Variants in FBXO42 observed in about 807,000 individuals in gnomAD.
FBXO42 encodes the protein F-box only protein 42.
In FBXO42, 12 loss-of-function variants were observed where a neutral mutation model predicts 71.7. The ratio of observed to expected loss-of-function variants is 0.17; its 90% CI spans 0.11 to 0.27. The LOEUF (loss-of-function observed/expected upper bound fraction) is 0.27. Among genes scored for constraint, FBXO42 ranks in the 10% least tolerant of loss-of-function variants. The probability of loss-of-function intolerance (pLI) is 1.00; values close to 1 mark genes in which losing one functional copy is unlikely to be tolerated. For missense variants in FBXO42, 707 were observed against 911.9 expected (o/e 0.78, Z 2.89); for synonymous variants, 325 against 327.5 (o/e 0.99, Z 0.08).
At chr1:16,350,749 A>ATAAAG (rs148379808) in intron 1 of FBXO42, among the ~76,000 whole-genome samples, 1 of 48,118 alleles carries the variant, frequency 2.1e-5, no homozygotes, top group Non-Finnish European at 3.6e-5. Context: ...ACTGCAAAAA[A>ATAAAG]AAAAAAAAAA....
rs386366300 is a variant in FBXO42 at position 16,283,494 on chromosome 1, G to GTTTTTTTTTTTTTTTT, written c.502+11273_502+11288dup. On this transcript the variant is annotated intron_variant, in intron 4 of 9. Coordinates refer to ENST00000375592, the MANE Select transcript of FBXO42 (RefSeq NM_018994.3). ...TTATAGACTCTTCTAACTGTGGCAAGTTTTTTTTTTTTTTTTTTTTTTTGA... is the reference window on the plus strand; with the variant it reads ...TTATAGACTCTTCTAACTGTGGCAAGTTTTTTTTTTTTTTTTTTTTTTTTTTTTTTTTTTTTTTTGA... 2.1e-3 allele frequency among the ~76,000 whole-genome samples: 166 copies of GTTTTTTTTTTTTTTTT among 80,974 alleles called. 18 individuals are homozygous for GTTTTTTTTTTTTTTTT. The highest frequency in any genetic ancestry group is 6.9e-3 in the African/African-American group (156 of 22,478). 53.1% of individuals were successfully genotyped at this position (80,974 alleles called of 152,430 possible).
chr1:16,274,588 GT>G (rs533547281), intron 4 of FBXO42, among the ~76,000 whole-genome samples: 1,790 of 53,494 alleles, frequency 0.033, 66 homozygotes, highest in African/African-American at 0.13. Context: ...TTATGCCCCC[GT>G]TTTTTTTTTT....
At chr1:16,309,043 G>A (rs2082284915) in intron 2 of FBXO42, among the ~76,000 whole-genome samples, 2 of 139,026 alleles carry the variant, frequency 1.4e-5, no homozygotes, top group African/African-American at 5.3e-5. Context: ...ATGCCAGGCC[G>A]GGAGACCCCA....
rs1271280746 is a variant in FBXO42 at position 16,303,907 on chromosome 1, G to A, written c.367+1896C>T. Among the ~76,000 whole-genome samples, 8 of 151,886 alleles carry A rather than the reference G, an allele frequency of 5.3e-5. No homozygotes were observed. The East Asian group carries it at 7.7e-4, about 15-fold the overall frequency. On this transcript the variant is annotated intron_variant, in intron 3 of 9. Transcript: ENST00000375592. ...ACTACAGGCGCCCGCCACCATGCCCGGGTAATTTTTTATATATATATTTTT... is the reference window on the plus strand; with the variant it reads ...ACTACAGGCGCCCGCCACCATGCCCAGGTAATTTTTTATATATATATTTTT...
chr1:16,348,112 A>G (rs753748240), intron 1 of FBXO42, among the ~76,000 whole-genome samples: 2 of 152,188 alleles, frequency 1.3e-5, no homozygotes, highest in Non-Finnish European at 2.9e-5. Flanking sequence ...ATCCTTGTAC[A>G]TGTAGCAAGC....
chr1:16,258,483 A>T (rs1248774837), intron 4 of FBXO42, among the ~76,000 whole-genome samples: 4 of 151,518 alleles, frequency 2.6e-5, no homozygotes, highest in Admixed American at 2.6e-4. Flanking sequence ...TAACCTCCCA[A>T]ATAGCTAGGA....
chr1:16,268,190 ATAAAGTTTC>A (rs1341593176), intron 4 of FBXO42, among the ~76,000 whole-genome samples: 1 of 152,224 alleles, frequency 6.6e-6, no homozygotes, highest in Non-Finnish European at 1.5e-5. Context: ...GTTACCAGTC[ATAAAGTTTC>A]TAGCCTGGTG....
In FBXO42 at chr1:16,336,880, G is replaced by A. The variant is rs139331342; in HGVS notation, c.-18+15375C>T. 6.4e-3 allele frequency among the ~76,000 whole-genome samples: 971 copies of A among 152,190 alleles called. 6 individuals carry two copies. Among genetic ancestry groups the A allele is most frequent in the African/African-American group, 0.022 (931 of 41,550 alleles). ...AACGCCCGTAATTCTAGCTACTTGGGAGGCTGAGGCAGGAGAATCACTTGA... is the reference window on the plus strand; with the variant it reads ...AACGCCCGTAATTCTAGCTACTTGGAAGGCTGAGGCAGGAGAATCACTTGA... On this transcript the variant is annotated intron_variant, in intron 1 of 9. Coordinates refer to ENST00000375592, the MANE Select transcript of FBXO42 (RefSeq NM_018994.3).
intron 1 of FBXO42, among the ~76,000 whole-genome samples, chr1:16,346,455 G>A (rs1475851389): frequency 1.3e-5 from 2 of 152,130 alleles, no homozygotes; most frequent in East Asian, 1.9e-4. Flanking sequence ...TTGGGAGTCC[G>A]AGGCGGGCGG....
chr1:16,280,203 T>C (rs924469233), intron 4 of FBXO42, among the ~76,000 whole-genome samples: 3 of 152,156 alleles, frequency 2.0e-5, no homozygotes, highest in Non-Finnish European at 4.4e-5. Flanking sequence ...TCCACGGTCT[T>C]CTTCCCAAAA....
At position 16,261,371 on chromosome 1, in the gene FBXO42, C is replaced by T. The variant is rs757980621; in HGVS notation, c.503-4612G>A. On this transcript the variant is annotated intron_variant, in intron 4 of 9. Coordinates refer to ENST00000375592, the MANE Select transcript of FBXO42 (RefSeq NM_018994.3). Reference sequence around the variant, plus strand: ...TATCTTAGGTAAGGGCTTTCCAAAACGACGTCTCAGATATCTTGACCTTTT... The same window carrying T: ...TATCTTAGGTAAGGGCTTTCCAAAATGACGTCTCAGATATCTTGACCTTTT... 5.4e-4 allele frequency among the ~76,000 whole-genome samples: 82 copies of T among 152,164 alleles called. 1 individual carries two copies. The highest frequency in any genetic ancestry group is 1.3e-4 in the Non-Finnish European group (9 of 68,026).
chr1:16,255,893 T>C (rs879591754), intron 5 of FBXO42, 72 bp from the exon 6 acceptor site: 4 of 1,039,724 alleles, frequency 3.8e-6, no homozygotes, highest in Non-Finnish European at 5.7e-6. Flanking sequence ...TAAGTAGGCA[T>C]CCATTTAAAA....
intron 1 of FBXO42, among the ~76,000 whole-genome samples, chr1:16,349,094 T>C (rs1435799836): frequency 2.0e-5 from 3 of 152,156 alleles, no homozygotes; most frequent in South Asian, 2.1e-4. Context: ...TGGGGCATAC[T>C]GTGTGGGAAC....
intron 4 of FBXO42, 88 bp from the exon 5 acceptor site, chr1:16,256,847 A>C: frequency 7.0e-7 from 1 of 1,422,998 alleles, no homozygotes; most frequent in Non-Finnish European, 9.7e-7. Flanking sequence ...TTTCCCTGGA[A>C]GAGCAACAAA....
At chr1:16,271,382 G>A (rs2081844133) in intron 4 of FBXO42, among the ~76,000 whole-genome samples, 1 of 151,490 alleles carries the variant, frequency 6.6e-6, no homozygotes, top group East Asian at 1.9e-4. Context: ...CTAGGTTCAA[G>A]CCACTCTCCT....
intron 4 of FBXO42, among the ~76,000 whole-genome samples, chr1:16,275,911 G>A (rs1212313157): frequency 6.6e-6 from 1 of 151,784 alleles, no homozygotes; most frequent in Non-Finnish European, 1.5e-5. Context: ...GAGGCTGAGG[G>A]AGGAGAATTG....
intron 4 of FBXO42, among the ~76,000 whole-genome samples, chr1:16,271,013 C>T (rs1002499554): frequency 6.6e-6 from 1 of 151,656 alleles, no homozygotes; most frequent in South Asian, 2.1e-4. Flanking sequence ...TTAGGGAATG[C>T]CTCACAGAGG....
intron 1 of FBXO42, among the ~76,000 whole-genome samples, chr1:16,319,715 A>G (rs1197065329): frequency 6.6e-6 from 1 of 152,032 alleles, no homozygotes; most frequent in Non-Finnish European, 1.5e-5. Context: ...GTTCGAGACC[A>G]GCCTGGCCAA....
intron 1 of FBXO42, among the ~76,000 whole-genome samples, chr1:16,322,289 T>A (rs2082415160): frequency 6.6e-6 from 1 of 150,502 alleles, no homozygotes; most frequent in African/African-American, 2.4e-5. Flanking sequence ...GAAAAACTAC[T>A]ATACTAGGCC....
Sources: gnomAD v4.1 joint callset for allele counts (sites outside exome capture counted in the v4.1 genomes callset) on GRCh38, gnomAD v4.1.1 for gene constraint, MANE v1.5 for transcripts, NCBI Gene and HGNC (gene_info 2026-07-23, HGNC 2026-07-21) for gene names.